The following AACS variants were observed in gnomAD, a reference collection of about 807,000 sequenced individuals.
AACS encodes acetoacetate-CoA ligase.
AACS carries 69 observed loss-of-function variants against 83.1 expected under a neutral mutation model. The observed-to-expected ratio is 0.83, with a 90% CI of 0.68 to 1.01. The LOEUF (loss-of-function observed/expected upper bound fraction) is 1.01. Ranked by LOEUF, AACS falls within the 50% of genes least tolerant of loss-of-function variation. The pLI, the probability that AACS is intolerant of heterozygous loss-of-function variation, is 0.00. For synonymous variants in AACS, 333 were observed against 343.4 expected (o/e 0.97, Z 0.33); for missense variants, 866 against 882.2 (o/e 0.98, Z 0.23).
intron 4 of AACS, among the ~76,000 whole-genome samples, chr12:125,087,175 A>G (rs781169637): frequency 6.6e-6 from 1 of 152,162 alleles, no homozygotes. Context: ...GCCTTGAGCC[A>G]TAAAGCAAGG....
intron 10 of AACS, 107 bp downstream of exon 10, chr12:125,118,872 T>A: frequency 6.9e-6 from 10 of 1,454,610 alleles, no homozygotes; most frequent in Non-Finnish European, 9.1e-6. Context: ...TCGGGGCGTC[T>A]CCAGCATGCT....
intron 4 of AACS, among the ~76,000 whole-genome samples, chr12:125,090,540 C>T (rs1182440915): frequency 6.7e-6 from 1 of 150,084 alleles, no homozygotes; most frequent in Non-Finnish European, 1.5e-5. Flanking sequence ...ATCCTTCACT[C>T]ATTATCCATT....
In AACS at chr12:125,097,716, C is replaced by T. The variant is rs1956638574; in HGVS notation, c.571-4963C>T. On this transcript the variant is annotated intron_variant, in intron 5 of 17. Transcript: ENST00000316519. This position sits in a 1 kb window ranked among gnomAD's most constrained non-coding sequence, Gnocchi z 4.3. ...TGTCCAGTCAGCACTGGCGGGGCTG[C>T]CAGAAGTTCTCAAGACTCAGTGAGC... Among the ~76,000 whole-genome samples the T allele has an allele frequency of 6.6e-6, 1 of 152,196 alleles. No individual in the cohort carries two copies. Among genetic ancestry groups the T allele is most frequent in the Non-Finnish European group, 1.5e-5 (1 of 68,034 alleles).
At position 125,129,992 on chromosome 12, in the gene AACS, T is replaced by C. The variant is rs1957306980; in HGVS notation, c.1549+532T>C. Among the ~76,000 whole-genome samples the C allele has an allele frequency of 6.6e-6, 1 of 152,194 alleles. No homozygotes were observed. The highest frequency in any genetic ancestry group is 1.9e-4 in the East Asian group (1 of 5,180). On this transcript the variant is annotated intron_variant, in intron 14 of 17. Transcript: ENST00000316519. The surrounding 1 kb of genome is among the most constrained non-coding windows in gnomAD (Gnocchi z 4.3). ...TGGGTGTCGTCTTTTGAGTGGTGCCTTGCCCCAAAGCAGGGAAGTCTTTTA... is the reference window on the plus strand; with the variant it reads ...TGGGTGTCGTCTTTTGAGTGGTGCCCTGCCCCAAAGCAGGGAAGTCTTTTA...
Position 125,065,686 on chromosome 12 carries a change from G to A in AACS, c.102G>A (p.Ala34=), listed in dbSNP as rs372790627. 369 of 1,542,860 alleles carry A rather than the reference G, an allele frequency of 2.4e-4. No individual in the cohort carries two copies. Among genetic ancestry groups the A allele is most frequent in the Admixed American group, 7.0e-4 (35 of 50,178 alleles). ...ACACGCAGATGGACCGCTTCCGGGC[G>A]GCTGTGGGCGCCGCCTGCGGCCTGG... ...KKNTQMDRFR[A]AVGAACGLAL... Residue 34 remains alanine, a synonymous_variant, in exon 1 of 18, where the codon GCG becomes GCA. Transcript: ENST00000316519.
Position 125,065,600 on chromosome 12 carries a change from C to A in AACS, c.16C>A (p.Arg6Ser), listed in dbSNP as rs1457874946. The A allele has an allele frequency of 1.3e-6, 2 of 1,528,952 alleles. No homozygotes were observed. Among genetic ancestry groups the A allele is most frequent in the Admixed American group, 2.1e-5 (1 of 48,750 alleles). The allele number at this position is 1,528,952 out of a possible 1,614,324, so 94.7% of individuals were successfully genotyped here. Residue 6 changes from arginine to serine, a missense_variant, in exon 1 of 18, where the codon CGC becomes AGC. Physicochemically the swap from Arg to Ser is moderately radical, Grantham distance 110. Transcript: ENST00000316519. MSKEE[R>S]PGREEILECQ... ...CGCCGCCGCCATGTCCAAGGAGGAG[C>A]GCCCCGGTCGGGAGGAGATCCTGGA...
chr12:125,093,590 C>T (rs190957635), intron 5 of AACS, among the ~76,000 whole-genome samples: 2 of 152,334 alleles, frequency 1.3e-5, no homozygotes, highest in East Asian at 3.9e-4. Context: ...CCCGAGCCAC[C>T]TCTGGAGTGG....
At chr12:125,085,281 C>G (rs1410903766) in intron 3 of AACS, among the ~76,000 whole-genome samples, 2 of 152,180 alleles carry the variant, frequency 1.3e-5, no homozygotes, top group Admixed American at 1.3e-4. Flanking sequence ...TTCCTGGAAC[C>G]ACGCACACGC....
chr12:125,107,302 T>G (rs1592980265), intron 8 of AACS, 34 bp downstream of exon 8: 1 of 1,604,654 alleles, frequency 6.2e-7, no homozygotes, highest in South Asian at 1.1e-5. Context: ...CAGGGCCTCC[T>G]GTTGTCTGTT....
chr12:125,087,412 A>G (rs761917412), intron 4 of AACS, among the ~76,000 whole-genome samples: 64 of 152,202 alleles, frequency 4.2e-4, no homozygotes, highest in Non-Finnish European at 6.8e-4. Context: ...CTGTGCATGG[A>G]CCTGTTCTTT....
At chr12:125,093,997 C>T (rs918430542) in intron 5 of AACS, among the ~76,000 whole-genome samples, 2 of 152,178 alleles carry the variant, frequency 1.3e-5, no homozygotes, top group African/African-American at 2.4e-5. Flanking sequence ...CACCTGGACA[C>T]CCGCTGTCGG....
Position 125,129,369 on chromosome 12 carries a change from G to A in AACS, c.1458G>A (p.Val486=). Residue 486 remains valine, a synonymous_variant, in exon 14 of 18, where the codon GTG becomes GTA. Coordinates refer to ENST00000316519, the MANE Select transcript of AACS (RefSeq NM_023928.5). The surrounding 1 kb of genome is among the most constrained non-coding windows in gnomAD (Gnocchi z 4.3). The part of the protein sequence containing the change: ...KAVWGESGEL[V]CTKPIPCQPT... ...TCTGGGGAGAGAGCGGCGAGCTGGT[G>A]TGTACTAAGCCGATCCCTTGCCAGC... 1.2e-6 allele frequency: 2 copies of A among 1,613,808 alleles called. No homozygotes were observed. Among genetic ancestry groups the A allele is most frequent in the East Asian group, 2.2e-5 (1 of 44,844 alleles).
chr12:125,085,282 ACG>A (rs1956305505), intron 3 of AACS, among the ~76,000 whole-genome samples: 1 of 152,238 alleles, frequency 6.6e-6, no homozygotes, highest in Non-Finnish European at 1.5e-5. Flanking sequence ...TCCTGGAACC[ACG>A]CACACGCATG....
At chr12:125,084,172 A>G (rs142432742) in intron 3 of AACS, among the ~76,000 whole-genome samples, 15 of 151,936 alleles carry the variant, frequency 9.9e-5, no homozygotes, top group African/African-American at 3.1e-4. Flanking sequence ...TACTAAAAAT[A>G]CAAAAATTAG....
intron 8 of AACS, among the ~76,000 whole-genome samples, chr12:125,111,364 A>G (rs1270287744): frequency 6.6e-6 from 1 of 152,152 alleles, no homozygotes; most frequent in African/African-American, 2.4e-5. Context: ...ATGGAAATGT[A>G]TAACTGTACT....
rs923804929 is a variant in AACS at position 125,113,971 on chromosome 12, T to C, written c.916-506T>C. Among the ~76,000 whole-genome samples, 10 of 152,020 alleles carry C rather than the reference T, an allele frequency of 6.6e-5. No homozygotes were observed. The highest frequency in any genetic ancestry group is 2.4e-4 in the African/African-American group (10 of 41,364). On this transcript the variant is annotated intron_variant, in intron 8 of 17. Coordinates refer to ENST00000316519, the MANE Select transcript of AACS (RefSeq NM_023928.5). The surrounding 1 kb of genome is among the most constrained non-coding windows in gnomAD (Gnocchi z 4.8). The stretch of plus-strand genomic sequence containing the variant: ...TTGTGCTGTCCCCTCAGCTGAGGCA[T>C]TCCTGAAATCCGATCTTGAACGTGA...
rs753126932 is a variant in AACS at position 125,118,811 on chromosome 12, A to C, written c.1121+46A>C. ...CTCAAAGCAAGGGACAGGCAGCACC[A>C]GGAAGGCTCCTTGGGATCAGATGCA... On this transcript the variant is annotated intron_variant, in intron 10 of 17. Coordinates refer to ENST00000316519, the MANE Select transcript of AACS (RefSeq NM_023928.5). 5.6e-6 allele frequency: 9 copies of C among 1,606,148 alleles called. No individual in the cohort carries two copies. In the East Asian group the frequency reaches 1.6e-4, roughly 28 times the overall value.
chr12:125,118,027 G>A (rs1957088275), intron 9 of AACS: 1 of 152,288 alleles, frequency 6.6e-6, no homozygotes, highest in South Asian at 2.1e-4. Flanking sequence ...ACTAAATGGA[G>A]ACCTTTGGCT....
intron 2 of AACS, 101 bp downstream of exon 2, chr12:125,074,080 C>A: frequency 2.1e-6 from 2 of 952,306 alleles, no homozygotes; most frequent in Non-Finnish European, 3.3e-6. Flanking sequence ...CTTTTTACAA[C>A]CTCATGCAGA....
Sources: allele counts gnomAD v4.1 joint callset (sites outside exome capture counted in the v4.1 genomes callset), GRCh38; gene constraint gnomAD v4.1.1; non-coding constraint Gnocchi (gnomAD v3.1); transcripts MANE v1.5; gene names NCBI Gene and HGNC (gene_info 2026-07-23, HGNC 2026-07-21).